ST7: variants seen among roughly 807,000 people sequenced by gnomAD.
The protein encoded by ST7 is suppressor of tumorigenicity 7 protein.
A neutral mutation model predicts 78.7 loss-of-function variants in ST7; 28 were observed. That is an observed-to-expected ratio of 0.36 (90% confidence interval 0.26 to 0.49). The LOEUF is 0.49. ST7 is among the 20% of genes least tolerant of loss of function. The pLI is 0.99. For missense variants in ST7, 418 were observed against 696.0 expected (o/e 0.60, Z 4.49); for synonymous variants, 247 against 249.6 (o/e 0.99, Z 0.10).
intron 13 of ST7, among the ~76,000 whole-genome samples, chr7:117,212,803 C>T (rs969172456): frequency 9.9e-5 from 15 of 152,030 alleles, no homozygotes; most frequent in Admixed American, 3.3e-4. Context: ...TATCTCATTA[C>T]AGATGTTTTT....
intron 1 of ST7, among the ~76,000 whole-genome samples, chr7:116,985,896 G>A (rs1794168435): frequency 6.6e-6 from 1 of 152,196 alleles, no homozygotes; most frequent in Non-Finnish European, 1.5e-5. Flanking sequence ...GTAGTAGCAT[G>A]ATCTTGGCTC....
chr7:117,159,170 C>T (rs1806934258), intron 9 of ST7, among the ~76,000 whole-genome samples: 2 of 152,114 alleles, frequency 1.3e-5, no homozygotes, highest in Admixed American at 6.6e-5. Context: ...GCATACAGAC[C>T]GTAGTTCTAA....
intron 1 of ST7, among the ~76,000 whole-genome samples, chr7:117,007,951 A>G (rs1037787684): frequency 6.6e-6 from 1 of 152,218 alleles, no homozygotes; most frequent in African/African-American, 2.4e-5. Context: ...TTTCTCTTAG[A>G]ATCACCTATA....
At chr7:117,103,835 G>A (rs1243794278) in intron 2 of ST7, among the ~76,000 whole-genome samples, 1 of 152,132 alleles carries the variant, frequency 6.6e-6, no homozygotes, top group Non-Finnish European at 1.5e-5. Flanking sequence ...AATATTTGCA[G>A]GCTATTCATC....
In ST7 at chr7:117,023,941, C is replaced by G. The variant is rs550766847; in HGVS notation, c.151+70250C>G. Among the ~76,000 whole-genome samples, 45 of 152,120 alleles carry G rather than the reference C, an allele frequency of 3.0e-4. No individual in the cohort carries two copies. The South Asian group carries it at 9.1e-3, about 31-fold the overall frequency. ...TTTCCTGCCTCAGCCTCCCGAGTAG[C>G]TGGGACTACAGGCATGTGCCATGAC... On this transcript the variant is annotated intron_variant, in intron 1 of 15. Coordinates refer to ENST00000323984, the MANE Select transcript of ST7 (RefSeq NM_001369598.1).
chr7:117,099,076 A>AAAAAAATAAAAAT (rs1801367420), intron 1 of ST7, among the ~76,000 whole-genome samples: 1 of 148,862 alleles, frequency 6.7e-6, no homozygotes, highest in Non-Finnish European at 1.5e-5. Context: ...CAAAAAAAAA[A>AAAAAAATAAAAAT]GAAGAAGAAG....
At chr7:117,012,099 A>G (rs777845106) in intron 1 of ST7, among the ~76,000 whole-genome samples, 5 of 152,244 alleles carry the variant, frequency 3.3e-5, no homozygotes, top group Non-Finnish European at 5.9e-5. Context: ...TTACTGGCTA[A>G]TGCCACTCTC....
chr7:116,996,140 G>A (rs1794642605), intron 1 of ST7, among the ~76,000 whole-genome samples: 1 of 146,470 alleles, frequency 6.8e-6, no homozygotes, highest in African/African-American at 2.5e-5. Context: ...GGAGTGCAGT[G>A]GCACAGTCTC....
intron 14 of ST7, among the ~76,000 whole-genome samples, chr7:117,221,390 G>A (rs901553240): frequency 6.6e-6 from 1 of 152,028 alleles, no homozygotes; most frequent in Admixed American, 6.6e-5. Context: ...CTCTCTATGA[G>A]GGTGGCACCC....
chr7:117,201,009 T>C (rs1052523878), intron 12 of ST7, among the ~76,000 whole-genome samples: 1 of 152,096 alleles, frequency 6.6e-6, no homozygotes, highest in Non-Finnish European at 1.5e-5. Context: ...AGTCCTCCCT[T>C]TATATCTTGG....
At chr7:116,986,319 A>G (rs1374702624) in intron 1 of ST7, among the ~76,000 whole-genome samples, 1 of 152,186 alleles carries the variant, frequency 6.6e-6, no homozygotes, top group Non-Finnish European at 1.5e-5. Context: ...CAATGAGTTG[A>G]GAGGTGGTGG....
chr7:116,975,135 A>G (rs1291746885), intron 1 of ST7, among the ~76,000 whole-genome samples: 2 of 152,208 alleles, frequency 1.3e-5, no homozygotes, highest in East Asian at 3.9e-4. Context: ...AGGAGGCTTC[A>G]TAGTCATGGC....
intron 1 of ST7, among the ~76,000 whole-genome samples, chr7:117,041,921 G>T (rs1427424332): frequency 6.6e-6 from 1 of 152,144 alleles, no homozygotes; most frequent in African/African-American, 2.4e-5. Flanking sequence ...AATCACAAGG[G>T]TCCTTAAATG....
At chr7:117,003,099 C>T (rs1361305102) in intron 1 of ST7, among the ~76,000 whole-genome samples, 1 of 151,758 alleles carries the variant, frequency 6.6e-6, no homozygotes, top group Non-Finnish European at 1.5e-5. Context: ...GCTGGGATTA[C>T]AGGCGTGAGC....
At position 116,999,106 on chromosome 7, in the gene ST7, G is replaced by T. The variant is rs2116433279; in HGVS notation, c.151+45415G>T. Among the ~76,000 whole-genome samples, 2 of 152,298 alleles carry T rather than the reference G, an allele frequency of 1.3e-5. 1 individual carries two copies. The highest frequency in any genetic ancestry group is 4.2e-4 in the South Asian group (2 of 4,818). On this transcript the variant is annotated intron_variant, in intron 1 of 15. Coordinates refer to ENST00000323984, the MANE Select transcript of ST7 (RefSeq NM_001369598.1). ...GCATGTCAACTTGTGGTGGAACGTG[G>T]TTGGAACTCAGACATGCTTGTGCTA...
chr7:117,164,562 G>T (rs1385151065), intron 9 of ST7, among the ~76,000 whole-genome samples: 2 of 152,104 alleles, frequency 1.3e-5, no homozygotes, highest in African/African-American at 4.8e-5. Context: ...ATTCACACAG[G>T]TAGTTAATGG....
chr7:116,962,729 G>A (rs558722449), intron 1 of ST7, among the ~76,000 whole-genome samples: 30 of 152,304 alleles, frequency 2.0e-4, no homozygotes, highest in Admixed American at 5.2e-4. Flanking sequence ...CTCCCATTCT[G>A]TAGGTTGCCT....
At chr7:117,046,278 C>T (rs1471698267) in intron 1 of ST7, among the ~76,000 whole-genome samples, 1 of 152,088 alleles carries the variant, frequency 6.6e-6, no homozygotes, top group Non-Finnish European at 1.5e-5. Context: ...TTCAGCCTGT[C>T]GGGCAAGGCT....
intron 1 of ST7, chr7:116,958,647 G>A (rs747575165): frequency 4.2e-6 from 2 of 471,188 alleles, no homozygotes; most frequent in South Asian, 3.1e-5. Context: ...GGCTTACCTT[G>A]GAGATATTGC....
Sources: allele counts gnomAD v4.1 joint callset (sites outside exome capture counted in the v4.1 genomes callset), GRCh38; gene constraint gnomAD v4.1.1; transcripts MANE v1.5; gene names NCBI Gene and HGNC (gene_info 2026-07-23, HGNC 2026-07-21).